Variants in MKLN1 observed in about 807,000 individuals in gnomAD.
MKLN1 encodes the protein muskelin.
MKLN1 carries 18 observed loss-of-function variants against 99.0 expected under a neutral mutation model. The observed-to-expected ratio is 0.18, with a 90% CI of 0.13 to 0.27. The LOEUF (loss-of-function observed/expected upper bound fraction) is 0.27. Among genes scored for constraint, MKLN1 ranks in the 10% least tolerant of loss-of-function variants. MKLN1 has a pLI of 1.00. For missense variants in MKLN1, 621 were observed against 875.9 expected (o/e 0.71, Z 3.67); for synonymous variants, 288 against 293.2 (o/e 0.98, Z 0.18).
intron 3 of MKLN1, among the ~76,000 whole-genome samples, chr7:131,264,049 T>C (rs1406334454): frequency 6.6e-6 from 1 of 152,152 alleles, no homozygotes; most frequent in Non-Finnish European, 1.5e-5. Flanking sequence ...TCCCAGAGTG[T>C]TCCATCAGGG....
chr7:131,478,594 T>TC, intron 16 of MKLN1, 29 bp from the exon 17 acceptor site: 1 of 1,430,664 alleles, frequency 7.0e-7, no homozygotes, highest in Non-Finnish European at 9.2e-7. Context: ...ATTTGCTGCT[T>TC]CTTTTTTTTT....
intron 16 of MKLN1, among the ~76,000 whole-genome samples, chr7:131,478,213 T>C (rs1370132609): frequency 1.3e-5 from 2 of 152,232 alleles, no homozygotes; most frequent in Non-Finnish European, 2.9e-5. Flanking sequence ...TATTTTACAG[T>C]GGCTTACGTT....
upstream of MKLN1, chr7:131,324,455 T>C (rs1333980381): frequency 6.6e-6 from 1 of 152,190 alleles, no homozygotes; most frequent in Non-Finnish European, 1.5e-5. Flanking sequence ...GCAAAATTAA[T>C]ATAAGTTGGG....
chr7:131,257,233 C>G (rs1162080370), intron 3 of MKLN1, among the ~76,000 whole-genome samples: 1 of 152,010 alleles, frequency 6.6e-6, no homozygotes, highest in Non-Finnish European at 1.5e-5. Flanking sequence ...TAGAACATGC[C>G]TTAATACATT....
intron 3 of MKLN1, among the ~76,000 whole-genome samples, chr7:131,226,541 G>A (rs758811682): frequency 6.6e-6 from 1 of 152,218 alleles, no homozygotes; most frequent in Non-Finnish European, 1.5e-5. Flanking sequence ...TCAGGTGAGA[G>A]AATAGTTCAG....
Position 131,437,829 on chromosome 7 carries a change from T to C in MKLN1, c.1005T>C (p.Ile335=). Residue 335 remains isoleucine, a synonymous_variant, in exon 10 of 18, where the codon ATT becomes ATC. Coordinates refer to ENST00000352689, the MANE Select transcript of MKLN1 (RefSeq NM_013255.5). ...ARSCHKMCID[I]QRRQIYTLGR... ...CGTGTCATAAAATGTGCATTGATAT[T>C]CAACGGAGGCAAATCTACACATTGG... 1 of 1,612,788 alleles carries C rather than the reference T, an allele frequency of 6.2e-7. No individual in the cohort carries two copies.
chr7:131,128,896 A>ATTTTT (rs59954758), intron 1 of MKLN1, among the ~76,000 whole-genome samples: 18 of 120,200 alleles, frequency 1.5e-4, no homozygotes, highest in African/African-American at 5.1e-4. Context: ...CACCTCACCT[A>ATTTTT]TTTTTTTTTT....
chr7:131,437,274 T>C (rs188354132), intron 9 of MKLN1, among the ~76,000 whole-genome samples: 107 of 152,198 alleles, frequency 7.0e-4, no homozygotes, highest in African/African-American at 2.5e-3. Context: ...CTGCCCTGTG[T>C]CCAAGTGATT....
At chr7:131,284,983 G>A (rs192154970) in intron 3 of MKLN1, 1 of 152,236 alleles carries the variant, frequency 6.6e-6, no homozygotes. Context: ...GAAGGTAGAG[G>A]CTTCTTGAGA....
chr7:131,424,773 C>G (rs1191020623), intron 8 of MKLN1, among the ~76,000 whole-genome samples: 1 of 152,122 alleles, frequency 6.6e-6, no homozygotes, highest in Non-Finnish European at 1.5e-5. Context: ...TTTGCCGTTT[C>G]GAACATAGGC....
intron 16 of MKLN1, among the ~76,000 whole-genome samples, chr7:131,476,092 A>C (rs1040202202): frequency 6.6e-6 from 1 of 152,202 alleles, no homozygotes; most frequent in African/African-American, 2.4e-5. Context: ...GCATCTAAGA[A>C]AATTCAGACT....
chr7:131,274,726 G>C (rs1797935462), intron 3 of MKLN1, among the ~76,000 whole-genome samples: 1 of 151,244 alleles, frequency 6.6e-6, no homozygotes, highest in Admixed American at 6.6e-5. Context: ...TCAAAGACAA[G>C]CTCTTAAGCA....
chr7:131,221,006 A>G (rs1797051977), intron 3 of MKLN1, among the ~76,000 whole-genome samples: 1 of 152,232 alleles, frequency 6.6e-6, no homozygotes, highest in South Asian at 2.1e-4. Context: ...GGGTAGTTTC[A>G]TGCATATGAA....
chr7:131,157,195 C>T (rs1421826555), intron 2 of MKLN1, among the ~76,000 whole-genome samples: 1 of 152,060 alleles, frequency 6.6e-6, no homozygotes, highest in Non-Finnish European at 1.5e-5. Flanking sequence ...GTCCGGGCAA[C>T]ATGGTGAAGC....
chr7:131,128,334 A>C (rs1795495067), intron 1 of MKLN1, among the ~76,000 whole-genome samples: 1 of 152,188 alleles, frequency 6.6e-6, no homozygotes, highest in African/African-American at 2.4e-5. Flanking sequence ...TATGTGCTGA[A>C]AAGCTGAAAG....
chr7:131,384,270 T>C lies in MKLN1; in HGVS notation c.169-2850T>C, dbSNP rs1266563837. 3.1e-5 allele frequency among the ~76,000 whole-genome samples: 4 copies of C among 127,996 alleles called. 1 individual carries two copies. The highest frequency in any genetic ancestry group is 6.2e-5 in the Non-Finnish European group (4 of 64,082). 84.0% of individuals were successfully genotyped at this position (127,996 alleles called of 152,430 possible). On this transcript the variant is annotated intron_variant, in intron 2 of 17. Coordinates refer to ENST00000352689, the MANE Select transcript of MKLN1 (RefSeq NM_013255.5). ...TGTGACATCTCAGAATGTGACCTTA[T>C]TTGGAATAAAGTGTTAGTAAATGTA...
chr7:131,209,399 A>G (rs1796866486), intron 3 of MKLN1, among the ~76,000 whole-genome samples: 1 of 152,240 alleles, frequency 6.6e-6, no homozygotes, highest in Non-Finnish European at 1.5e-5. Context: ...GGCTTGGTCT[A>G]GGATACTAGC....
chr7:131,455,671 G>A (rs907075696), intron 12 of MKLN1, among the ~76,000 whole-genome samples: 1 of 152,170 alleles, frequency 6.6e-6, no homozygotes, highest in African/African-American at 2.4e-5. Flanking sequence ...CTTTTTAGCA[G>A]TTGAATCTTA....
chr7:131,281,216 T>C (rs1798046387), intron 3 of MKLN1, among the ~76,000 whole-genome samples: 1 of 152,142 alleles, frequency 6.6e-6, no homozygotes, highest in Admixed American at 6.5e-5. Context: ...ATTCTTTTTT[T>C]TTTTTGTATA....
Sources: gnomAD v4.1 joint callset for allele counts (sites outside exome capture counted in the v4.1 genomes callset) on GRCh38, gnomAD v4.1.1 for gene constraint, MANE v1.5 for transcripts, NCBI Gene and HGNC (gene_info 2026-07-23, HGNC 2026-07-21) for gene names.